The following SBF2 variants were observed in gnomAD, a reference collection of about 807,000 sequenced individuals.
SBF2 encodes SET binding factor 2.
In SBF2, 112 loss-of-function variants were observed where a neutral mutation model predicts 225.2. The observed-to-expected ratio is 0.50, with a 90% CI of 0.43 to 0.58. The LOEUF (loss-of-function observed/expected upper bound fraction) is 0.58, where lower values mean the gene tolerates loss of function less well. Among genes scored for constraint, SBF2 ranks in the 20% least tolerant of loss-of-function variants. The pLI, the probability that SBF2 is intolerant of heterozygous loss-of-function variation, is 0.00. For synonymous variants in SBF2, 763 were observed against 773.3 expected (o/e 0.99, Z 0.22); for missense variants, 1,996 against 2,206.2 (o/e 0.90, Z 1.91).
chr11:9,979,046 T>C (rs928198606), intron 13 of SBF2, among the ~76,000 whole-genome samples: 1 of 152,180 alleles, frequency 6.6e-6, no homozygotes, highest in African/African-American at 2.4e-5. Flanking sequence ...GGAAACATCG[T>C]TTTTTCCTAT....
rs188706716 is a variant in SBF2 at position 9,960,063 on chromosome 11, T to C, written c.1860+1894A>G. The C allele has an allele frequency of 7.1e-4, 175 of 247,332 alleles. 2 individuals carry two copies. The highest frequency in any genetic ancestry group is 3.8e-3 in the African/African-American group (168 of 44,002). The allele number at this position is 247,332 out of a possible 1,614,324, so 15.3% of individuals were successfully genotyped here. A position where few individuals can be genotyped will look rare whatever the true frequency, so the allele number is the denominator to read the frequency against. ...TTCAGTGGCTATTGATAGGCGCAAT[T>C]ATAGTGTACTGCAGCCTAACTCCTG... On this transcript the variant is annotated intron_variant, in intron 16 of 39. Coordinates refer to ENST00000256190, the MANE Select transcript of SBF2 (RefSeq NM_030962.4).
intron 2 of SBF2, among the ~76,000 whole-genome samples, chr11:10,180,287 A>G (rs1204192216): frequency 2.0e-5 from 3 of 151,964 alleles, no homozygotes; most frequent in African/African-American, 7.2e-5. Flanking sequence ...AAATCCCTCT[A>G]CTTTTGTTTG....
chr11:10,294,070 G>GGCCGCC lies in SBF2; in HGVS notation c.-7_-2dup. On this transcript the variant is annotated 5_prime_UTR_variant, in exon 1 of 40. Coordinates refer to ENST00000256190, the MANE Select transcript of SBF2 (RefSeq NM_030962.4). ...TGAAGTAGTCAGCCAGCCGGGCCAT[G>GGCCGCC]GCCGCCGCCGCCGCGCTCGGGAAGC... The GGCCGCC allele has an allele frequency of 7.3e-7, 1 of 1,376,304 alleles. No individual in the cohort carries two copies. 85.3% of individuals were successfully genotyped at this position (1,376,304 alleles called of 1,614,324 possible).
chr11:10,014,958 C>T (rs1385678247), intron 6 of SBF2, among the ~76,000 whole-genome samples: 1 of 151,852 alleles, frequency 6.6e-6, no homozygotes, highest in Admixed American at 6.6e-5. Flanking sequence ...AGTGAAATCC[C>T]GTCTTTACTA....
intron 17 of SBF2, among the ~76,000 whole-genome samples, chr11:9,889,284 G>A (rs1860600813): frequency 6.6e-6 from 1 of 152,100 alleles, no homozygotes; most frequent in Admixed American, 6.6e-5. Context: ...TCATACAAAT[G>A]ACACAGATTA....
chr11:10,033,038 T>C (rs1044226747), intron 3 of SBF2, among the ~76,000 whole-genome samples: 1 of 152,244 alleles, frequency 6.6e-6, no homozygotes, highest in Admixed American at 6.5e-5. Flanking sequence ...GTATGTATGA[T>C]AGAGTCCATA....
At chr11:10,075,243 T>C (rs1007314752) in intron 2 of SBF2, among the ~76,000 whole-genome samples, 1 of 152,250 alleles carries the variant, frequency 6.6e-6, no homozygotes, top group Non-Finnish European at 1.5e-5. Flanking sequence ...GAACACAAAA[T>C]ACATCATTAC....
In SBF2 at chr11:9,780,228, T is replaced by C; in HGVS notation, c.*190A>G. The C allele has an allele frequency of 1.6e-6, 1 of 641,182 alleles. No homozygotes were observed. The highest frequency in any genetic ancestry group is 2.9e-5 in the East Asian group (1 of 34,922). The allele number at this position is 641,182 out of a possible 1,614,324, so 39.7% of individuals were successfully genotyped here. A position where few individuals can be genotyped will look rare whatever the true frequency, so the allele number is the denominator to read the frequency against. ...AAGATACAGGGAGTGCATGGGGCTG[T>C]TGACCAGACCTGTGTGAAACACCTA... On this transcript the variant is annotated 3_prime_UTR_variant, in exon 40 of 40. Coordinates refer to ENST00000256190, the MANE Select transcript of SBF2 (RefSeq NM_030962.4).
At chr11:10,225,446 G>C (rs935880143) in intron 1 of SBF2, among the ~76,000 whole-genome samples, 3 of 151,362 alleles carry the variant, frequency 2.0e-5, no homozygotes, top group Non-Finnish European at 4.4e-5. Flanking sequence ...GTATAACAAT[G>C]TTCTTAAGAA....
In SBF2 at chr11:9,779,624, GT is replaced by G. The variant is rs1372382580; in HGVS notation, c.*793del. Reference sequence around the variant, plus strand: ...TTCAGTGCAAGTGTTTGTTTTGTGAGTTAGTGCATTCAGCTTTTTTTGCATG... The same window carrying G: ...TTCAGTGCAAGTGTTTGTTTTGTGAGTAGTGCATTCAGCTTTTTTTGCATG... On this transcript the variant is annotated 3_prime_UTR_variant, in exon 40 of 40. Transcript: ENST00000256190. 2.6e-5 allele frequency: 4 copies of G among 152,938 alleles called. No homozygotes were observed. Among genetic ancestry groups the G allele is most frequent in the African/African-American group, 9.7e-5 (4 of 41,438 alleles). The allele number at this position is 152,938 out of a possible 1,614,324, so 9.5% of individuals were successfully genotyped here. A position where few individuals can be genotyped will look rare whatever the true frequency, so the allele number is the denominator to read the frequency against.
intron 16 of SBF2, among the ~76,000 whole-genome samples, chr11:9,946,278 T>C (rs7114031): frequency 0.27 from 40,556 of 151,956 alleles, 5,469 homozygotes; most frequent in East Asian, 0.33. Context: ...ACGTCCTTTG[T>C]AACAACATGG....
intron 16 of SBF2, among the ~76,000 whole-genome samples, chr11:9,943,254 A>G (rs1865388660): frequency 6.6e-6 from 1 of 152,222 alleles, no homozygotes; most frequent in Non-Finnish European, 1.5e-5. Context: ...AAGGACTTAA[A>G]TAGGAAAGGT....
At chr11:10,109,149 A>AT (rs1251513028) in intron 2 of SBF2, among the ~76,000 whole-genome samples, 7 of 151,872 alleles carry the variant, frequency 4.6e-5, no homozygotes, top group Admixed American at 6.6e-5. Flanking sequence ...TGCAAAAGGC[A>AT]TTTTTTTCTA....
intron 17 of SBF2, among the ~76,000 whole-genome samples, chr11:9,882,634 C>G (rs535717984): frequency 2.6e-5 from 4 of 151,978 alleles, no homozygotes; most frequent in East Asian, 3.9e-4. Context: ...CGGTGAAACC[C>G]CGTCTCTACT....
intron 2 of SBF2, among the ~76,000 whole-genome samples, chr11:10,073,121 T>A (rs1679738080): frequency 6.6e-6 from 1 of 151,986 alleles, no homozygotes; most frequent in South Asian, 2.1e-4. Context: ...AGTAATGGGA[T>A]GTATTGCAAT....
intron 1 of SBF2, among the ~76,000 whole-genome samples, chr11:10,258,081 TACACAC>T (rs57653852): frequency 2.2e-4 from 30 of 138,936 alleles, no homozygotes; most frequent in East Asian, 4.2e-4. Context: ...TACACACACA[TACACAC>T]ACACACACAC....
intron 1 of SBF2, among the ~76,000 whole-genome samples, chr11:10,239,071 T>C (rs537061875): frequency 2.6e-5 from 4 of 150,956 alleles, no homozygotes; most frequent in African/African-American, 9.7e-5. Context: ...TGTTTATGTG[T>C]ATATACATGT....
chr11:10,050,301 T>G (rs977590084), intron 2 of SBF2, among the ~76,000 whole-genome samples: 1 of 152,190 alleles, frequency 6.6e-6, no homozygotes. Context: ...CAACTTTTTA[T>G]AACCATATAC....
chr11:9,899,929 A>C (rs1037996706), intron 16 of SBF2, among the ~76,000 whole-genome samples: 2 of 151,738 alleles, frequency 1.3e-5, no homozygotes, highest in Non-Finnish European at 2.9e-5. Context: ...TCTTTAAACT[A>C]TTCTGCTAAT....
Sources: allele counts gnomAD v4.1 joint callset (sites outside exome capture counted in the v4.1 genomes callset), GRCh38; gene constraint gnomAD v4.1.1; transcripts MANE v1.5; gene names NCBI Gene and HGNC (gene_info 2026-07-23, HGNC 2026-07-21).